Variants in TBCK observed in about 807,000 individuals in gnomAD.
TBCK encodes the protein TBC1 domain containing kinase.
Under a neutral mutation model 113.4 loss-of-function variants are expected in TBCK, and 99 were observed. The ratio of observed to expected loss-of-function variants is 0.87; its 90% confidence interval spans 0.74 to 1.03. TBCK has a LOEUF of 1.03. Ranked by LOEUF, TBCK falls within the 50% of genes least tolerant of loss-of-function variation. The pLI, the probability that TBCK is intolerant of heterozygous loss-of-function variation, is 0.00. For synonymous variants in TBCK, 369 were observed against 370.8 expected, an observed-to-expected ratio of 1.00 and a Z score of 0.05; for missense variants, 1,045 against 1,061.3, an observed-to-expected ratio of 0.98 and a Z score of 0.21.
In TBCK at chr4:106,233,585, T is replaced by C. The variant is rs1258794982; in HGVS notation, c.1512+3A>G. ...AGGTTGCTTAAGAAAACCTAAATCA[T>C]ACTTGTCTATCTGTAGGAATTGGAG... On this transcript the variant is annotated splice_donor_region_variant and intron_variant, in intron 16 of 25. Transcript: ENST00000394708. 1 of 1,609,938 alleles carries C rather than the reference T, an allele frequency of 6.2e-7. No individual in the cohort carries two copies. The highest frequency in any genetic ancestry group is 2.2e-5 in the East Asian group (1 of 44,698).
intron 25 of TBCK, among the ~76,000 whole-genome samples, chr4:106,083,203 C>T (rs573408519): frequency 2.6e-5 from 4 of 152,332 alleles, no homozygotes; most frequent in Admixed American, 6.5e-5. Context: ...GCAGGGGAAG[C>T]GTGGCACCCA....
intron 23 of TBCK, among the ~76,000 whole-genome samples, chr4:106,148,511 T>C (rs1050593432): frequency 6.6e-6 from 1 of 152,238 alleles, no homozygotes; most frequent in Non-Finnish European, 1.5e-5. Flanking sequence ...TTATCATTCA[T>C]GAAGACAATA....
chr4:106,233,571 G>A lies in TBCK; in HGVS notation c.1512+17C>T, dbSNP rs1311939703. 7 of 1,603,656 alleles carry A rather than the reference G, an allele frequency of 4.4e-6. No individual in the cohort carries two copies. The highest frequency in any genetic ancestry group is 6.0e-6 in the Non-Finnish European group (7 of 1,173,226). ...GGCAGAATTATCTTAGGTTGCTTAA[G>A]AAAACCTAAATCATACTTGTCTATC... is the stretch of plus-strand genomic sequence containing the variant. On this transcript the variant is annotated intron_variant, in intron 16 of 25. Coordinates refer to ENST00000394708, the MANE Select transcript of TBCK (RefSeq NM_001163435.3).
rs772123587 is a variant in TBCK, at chr4:106,048,376, C to CT, written c.2572-1697dup. On this transcript the variant is annotated intron_variant, in intron 25 of 25. Transcript: ENST00000394708. ...CAAACGGCTGTTCATATTTCACATC[C>CT]TATCCTCTCTTAGAGCTAACAGATG... is the stretch of plus-strand genomic sequence containing the variant. Among the ~76,000 whole-genome samples, 88 of 152,190 alleles carry CT rather than the reference C, an allele frequency of 5.8e-4. 2 individuals are homozygous for CT. Among genetic ancestry groups the CT allele is most frequent in the Admixed American group, 1.6e-3 (24 of 15,268 alleles).
chr4:106,195,620 A>G (rs1426656068), intron 20 of TBCK, among the ~76,000 whole-genome samples: 1 of 151,940 alleles, frequency 6.6e-6, no homozygotes, highest in Admixed American at 6.6e-5. Context: ...GCCTGAACAA[A>G]ACAAAGGTAG....
intron 3 of TBCK, among the ~76,000 whole-genome samples, chr4:106,267,440 T>C (rs538839880): frequency 4.4e-4 from 67 of 152,126 alleles, no homozygotes; most frequent in Non-Finnish European, 7.8e-4. Context: ...AACAAGCCTA[T>C]AGTATACTTA....
intron 16 of TBCK, 125 bp from the exon 17 acceptor site, chr4:106,233,189 C>A: frequency 1.1e-6 from 1 of 918,088 alleles, no homozygotes; most frequent in Non-Finnish European, 1.6e-6. Flanking sequence ...AGACCAACTT[C>A]TTAAGTGCCT....
At chr4:106,088,082 C>A (rs990472567) in intron 25 of TBCK, among the ~76,000 whole-genome samples, 4 of 152,176 alleles carry the variant, frequency 2.6e-5, no homozygotes, top group Non-Finnish European at 4.4e-5. Context: ...GCAATTGTAA[C>A]AAAAGCCAAA....
rs185408840 is a variant in TBCK, at chr4:106,266,487, T to C, written c.267-4275A>G. 1.1e-3 allele frequency among the ~76,000 whole-genome samples: 164 copies of C among 151,976 alleles called. 2 individuals are homozygous for C. The highest frequency in any genetic ancestry group is 3.3e-3 in the South Asian group (16 of 4,824). ...ACAAGTTCTGAAACTACTGAACACA[T>C]AGACTGCATTTTCTACTCTCTATAC... On this transcript the variant is annotated intron_variant, in intron 3 of 25. Coordinates refer to ENST00000394708, the MANE Select transcript of TBCK (RefSeq NM_001163435.3).
rs2149999635 is a variant in TBCK at position 106,233,611 on chromosome 4, T to G, written c.1489A>C (p.Thr497Pro). The G allele has an allele frequency of 6.2e-7, 1 of 1,611,428 alleles. No individual in the cohort carries two copies. Among genetic ancestry groups the G allele is most frequent in the Middle Eastern group, 1.7e-4 (1 of 5,970 alleles). Residue 497 changes from threonine (T) to proline (P), a missense_variant, in exon 16 of 26, where the codon ACT becomes CCT. Thr to Pro is a conservative substitution (Grantham distance 38, BLOSUM62 -1). Transcript: ENST00000394708. ...ACTTGTCTATCTGTAGGAATTGGAG[T>G]GTCTTTATCAATTGCATCGTACTTG... is the stretch of plus-strand genomic sequence containing the variant. ...HAKYDAIDKDTPIPTDRQIEV... is the reference protein window; with the variant it reads ...HAKYDAIDKDPPIPTDRQIEV...
intron 25 of TBCK, among the ~76,000 whole-genome samples, chr4:106,071,661 TTC>T (rs1217030083): frequency 6.6e-6 from 1 of 152,222 alleles, no homozygotes. Context: ...CTTGTTAACC[TTC>T]TGTCTTGTTG....
In TBCK at chr4:106,087,594, A is replaced by T. The variant is rs142768518; in HGVS notation, c.2571+7888T>A. ...TAGAAAAAACTATTTTAAATTTCAT[A>T]TGAAATCAAAGAAGACCCCATATAG... On this transcript the variant is annotated intron_variant, in intron 25 of 25. Coordinates refer to ENST00000394708, the MANE Select transcript of TBCK (RefSeq NM_001163435.3). Among the ~76,000 whole-genome samples the T allele has an allele frequency of 1.7e-3, 252 of 152,374 alleles. 1 individual carries two copies. Among genetic ancestry groups the T allele is most frequent in the African/African-American group, 5.6e-3 (234 of 41,592 alleles).
intron 23 of TBCK, among the ~76,000 whole-genome samples, chr4:106,120,781 A>C (rs1744238401): frequency 6.6e-6 from 1 of 152,146 alleles, no homozygotes; most frequent in Admixed American, 6.5e-5. Context: ...AAAACTAACA[A>C]ACAGAAAGGA....
In TBCK at chr4:106,252,012, A is replaced by C. The variant is rs1418372847; in HGVS notation, c.456-5T>G. On this transcript the variant is annotated splice_region_variant and splice_polypyrimidine_tract_variant and intron_variant, in intron 5 of 25. Transcript: ENST00000394708. ...GGGGCCAAGTACGAGGGATACCTGT[A>C]ATGATACATTAAAATAATGAAAAAT... The C allele has an allele frequency of 1.3e-6, 2 of 1,583,508 alleles. No homozygotes were observed. The highest frequency in any genetic ancestry group is 2.7e-5 in the African/African-American group (2 of 73,578).
intron 12 of TBCK, chr4:106,238,614 A>G (rs964914516): frequency 6.6e-6 from 1 of 152,136 alleles, no homozygotes; most frequent in Non-Finnish European, 1.5e-5. Context: ...AGCTTTGGCT[A>G]TGAATGGTTA....
At chr4:106,225,500 C>T (rs1758136827) in intron 19 of TBCK, among the ~76,000 whole-genome samples, 1 of 152,112 alleles carries the variant, frequency 6.6e-6, no homozygotes, top group Non-Finnish European at 1.5e-5. Context: ...CGCTCTGTCA[C>T]CCAGGCTGGA....
chr4:106,291,968 G>C (rs573880003), intron 3 of TBCK, among the ~76,000 whole-genome samples: 1 of 152,206 alleles, frequency 6.6e-6, no homozygotes, highest in Non-Finnish European at 1.5e-5. Context: ...ATATTTTTCA[G>C]GAGGATATGC....
chr4:106,288,766 C>A (rs1267347521), intron 3 of TBCK, among the ~76,000 whole-genome samples: 1 of 152,174 alleles, frequency 6.6e-6, no homozygotes, highest in Non-Finnish European at 1.5e-5. Context: ...TGAAAATCTG[C>A]AATCCAAAAT....
Position 106,299,907 on chromosome 4 carries a change from ATG to A in TBCK, c.194-4743_194-4742del, listed in dbSNP as rs34690665. Among the ~76,000 whole-genome samples the A allele has an allele frequency of 2.7e-3, 409 of 152,334 alleles. 1 individual carries two copies. The highest frequency in any genetic ancestry group is 4.8e-3 in the Non-Finnish European group (325 of 68,026). The stretch of plus-strand genomic sequence containing the variant: ...AAAGATTTGAGGAAGCAAAAGTATG[ATG>A]TAGCGTCTCTAGCCTGAACTGTGTG... On this transcript the variant is annotated intron_variant, in intron 2 of 25. Coordinates refer to ENST00000394708, the MANE Select transcript of TBCK (RefSeq NM_001163435.3).
Sources: gnomAD v4.1 joint callset for allele counts (sites outside exome capture counted in the v4.1 genomes callset) on GRCh38, gnomAD v4.1.1 for gene constraint, MANE v1.5 for transcripts, NCBI Gene and HGNC (gene_info 2026-07-23, HGNC 2026-07-21) for gene names.